STK39: variants seen among roughly 807,000 people sequenced by gnomAD.
STK39 encodes serine/threonine kinase 39.
STK39 carries 20 observed loss-of-function variants against 77.8 expected under a neutral mutation model. The ratio of observed to expected loss-of-function variants is 0.26; its 90% confidence interval spans 0.18 to 0.37. The LOEUF (loss-of-function observed/expected upper bound fraction) is 0.37, where lower values mean the gene tolerates loss of function less well. Among genes scored for constraint, STK39 ranks in the 10% least tolerant of loss-of-function variants. STK39 has a pLI of 1.00. For missense variants in STK39, 479 were observed against 656.5 expected, an observed-to-expected ratio of 0.73 and a Z score of 2.95; for synonymous variants, 246 against 234.1, an observed-to-expected ratio of 1.05 and a Z score of -0.47.
chr2:168,229,096 G>A (rs1055132433), intron 1 of STK39, among the ~76,000 whole-genome samples: 2 of 152,060 alleles, frequency 1.3e-5, no homozygotes, highest in Non-Finnish European at 1.5e-5. Context: ...TAGGCCAGGC[G>A]TGGTGGCTCA....
chr2:168,212,060 C>T (rs147698760), intron 1 of STK39, among the ~76,000 whole-genome samples: 2 of 152,282 alleles, frequency 1.3e-5, no homozygotes, highest in African/African-American at 4.8e-5. Context: ...CTGAATGGCA[C>T]CTTTAAAAAA....
intron 12 of STK39, among the ~76,000 whole-genome samples, chr2:168,068,731 C>A (rs1183009561): frequency 6.6e-6 from 1 of 152,160 alleles, no homozygotes; most frequent in African/African-American, 2.4e-5. Flanking sequence ...AAAGGGCAGT[C>A]ACCTGCAATA....
At chr2:168,129,439 T>TA (rs1211850556) in intron 10 of STK39, 102 bp downstream of exon 10, 22 of 1,271,448 alleles carry the variant, frequency 1.7e-5, no homozygotes, top group Non-Finnish European at 3.4e-6. Flanking sequence ...AGCGTCTGAA[T>TA]AGTATATCCT....
chr2:168,002,682 TA>T (rs1475199901), intron 16 of STK39, among the ~76,000 whole-genome samples: 1 of 152,270 alleles, frequency 6.6e-6, no homozygotes, highest in Admixed American at 6.5e-5. Context: ...TAAAAAATGA[TA>T]TTCTGTCAAA....
chr2:168,049,905 G>A (rs1345207286), intron 14 of STK39, among the ~76,000 whole-genome samples: 1 of 152,254 alleles, frequency 6.6e-6, no homozygotes, highest in East Asian at 1.9e-4. Flanking sequence ...GAGAGAACTG[G>A]GTGTCCGATT....
chr2:168,009,773 T>C (rs975155444), intron 16 of STK39, among the ~76,000 whole-genome samples: 5 of 152,214 alleles, frequency 3.3e-5, no homozygotes, highest in East Asian at 1.9e-4. Flanking sequence ...TAGAAATAAT[T>C]TAGCTCCAAG....
At chr2:168,068,407 A>G (rs1354080852) in intron 12 of STK39, among the ~76,000 whole-genome samples, 1 of 152,228 alleles carries the variant, frequency 6.6e-6, no homozygotes, top group Non-Finnish European at 1.5e-5. Flanking sequence ...AGCTAAATGC[A>G]ATGTGCTATC....
intron 10 of STK39, among the ~76,000 whole-genome samples, chr2:168,125,748 A>G (rs1298651401): frequency 2.6e-5 from 4 of 152,238 alleles, no homozygotes; most frequent in African/African-American, 9.6e-5. Context: ...CTAAATTACC[A>G]AAGAGGCCAT....
At chr2:168,021,391 G>C (rs1467260929) in intron 14 of STK39, among the ~76,000 whole-genome samples, 1 of 152,150 alleles carries the variant, frequency 6.6e-6, no homozygotes, top group Non-Finnish European at 1.5e-5. Context: ...GTGAGTAGTA[G>C]ACTTGTCCCA....
chr2:167,983,382 G>T (rs1366186574), intron 16 of STK39, among the ~76,000 whole-genome samples: 2 of 150,200 alleles, frequency 1.3e-5, no homozygotes, highest in Non-Finnish European at 2.9e-5. Context: ...GGGAGGCTGA[G>T]GCAGGAGAAT....
chr2:168,084,529 G>C (rs1057237285), intron 10 of STK39, among the ~76,000 whole-genome samples: 20 of 152,184 alleles, frequency 1.3e-4, no homozygotes, highest in African/African-American at 4.8e-4. Flanking sequence ...AATGTTCCTG[G>C]AAGCTAGAGG....
chr2:168,013,028 T>C (rs1186708601), intron 15 of STK39, among the ~76,000 whole-genome samples: 1 of 152,232 alleles, frequency 6.6e-6, no homozygotes, highest in Admixed American at 6.5e-5. Context: ...TGACACTGCT[T>C]TTCTTTCCTG....
intron 14 of STK39, among the ~76,000 whole-genome samples, chr2:168,036,079 T>TA (rs1684945443): frequency 6.6e-6 from 1 of 152,186 alleles, no homozygotes; most frequent in Non-Finnish European, 1.5e-5. Context: ...ATTTCAATGT[T>TA]ACTTTGCAGA....
At chr2:168,086,684 T>G (rs1686375778) in intron 10 of STK39, among the ~76,000 whole-genome samples, 1 of 152,228 alleles carries the variant, frequency 6.6e-6, no homozygotes, top group African/African-American at 2.4e-5. Context: ...AACTTCCTTA[T>G]AATGCCTGAA....
At chr2:167,977,946 C>T (rs1481031048) in intron 16 of STK39, among the ~76,000 whole-genome samples, 3 of 152,034 alleles carry the variant, frequency 2.0e-5, no homozygotes, top group Admixed American at 1.3e-4. Flanking sequence ...GAGGAAGGGG[C>T]TTGGGAAGTG....
chr2:168,015,263 G>T (rs866620906), intron 15 of STK39, among the ~76,000 whole-genome samples: 3 of 152,190 alleles, frequency 2.0e-5, no homozygotes, highest in African/African-American at 7.2e-5. Context: ...TGAGGAAAGA[G>T]AATATTTTAC....
At chr2:168,097,962 G>A (rs746969711) in intron 10 of STK39, among the ~76,000 whole-genome samples, 4 of 152,206 alleles carry the variant, frequency 2.6e-5, no homozygotes, top group Non-Finnish European at 5.9e-5. Context: ...GATAGAGTCT[G>A]TAAAACAGAG....
In STK39 at chr2:168,236,157, T is replaced by G. The variant is rs571688494; in HGVS notation, c.208+11071A>C. On this transcript the variant is annotated intron_variant, in intron 1 of 17. Coordinates refer to ENST00000355999, the MANE Select transcript of STK39 (RefSeq NM_013233.3). Reference sequence around the variant, plus strand: ...TTAATGATCACCATTCTAACTGGTGTGAGATGGTATCTCATTGTGGTTTTC... The same window carrying G: ...TTAATGATCACCATTCTAACTGGTGGGAGATGGTATCTCATTGTGGTTTTC... Among the ~76,000 whole-genome samples, 1,186 of 152,262 alleles carry G rather than the reference T, an allele frequency of 7.8e-3. 13 individuals carry two copies. Among genetic ancestry groups the G allele is most frequent in the African/African-American group, 0.022 (933 of 41,546 alleles).
intron 16 of STK39, among the ~76,000 whole-genome samples, chr2:167,999,372 T>C (rs747015145): frequency 1.3e-5 from 2 of 152,216 alleles, no homozygotes; most frequent in Non-Finnish European, 2.9e-5. Context: ...CCTCTCGAGT[T>C]GGACTGCAAG....
Sources: allele counts gnomAD v4.1 joint callset (sites outside exome capture counted in the v4.1 genomes callset), GRCh38; gene constraint gnomAD v4.1.1; transcripts MANE v1.5; gene names NCBI Gene and HGNC (gene_info 2026-07-23, HGNC 2026-07-21).